Variants in ANTXR1 observed in about 807,000 individuals in gnomAD.
ANTXR1 encodes anthrax toxin receptor 1.
In ANTXR1, 19 loss-of-function variants were observed where a neutral mutation model predicts 78.1. That is an observed-to-expected ratio of 0.24 (90% CI 0.17 to 0.36). The LOEUF (loss-of-function observed/expected upper bound fraction) is 0.36. Ranked by LOEUF, ANTXR1 falls within the 10% of genes least tolerant of loss-of-function variation. The pLI is 1.00. For synonymous variants in ANTXR1, 273 were observed against 260.5 expected (o/e 1.05, Z -0.46); for missense variants, 518 against 718.6 (o/e 0.72, Z 3.19).
At chr2:69,141,659 A>G (rs530601358) in intron 12 of ANTXR1, among the ~76,000 whole-genome samples, 75 of 152,364 alleles carry the variant, frequency 4.9e-4, no homozygotes, top group Middle Eastern at 6.8e-3. Context: ...ATGTCTTAAT[A>G]TAATTTAAGA....
chr2:69,118,426 G>C (rs1672225491), intron 10 of ANTXR1, among the ~76,000 whole-genome samples: 1 of 152,082 alleles, frequency 6.6e-6, no homozygotes, highest in South Asian at 2.1e-4. Context: ...GGGAGACCCT[G>C]TCTCAAAAGA....
At chr2:69,100,955 A>C (rs1008832142) in intron 9 of ANTXR1, among the ~76,000 whole-genome samples, 4 of 152,182 alleles carry the variant, frequency 2.6e-5, no homozygotes, top group Non-Finnish European at 5.9e-5. Context: ...CATAGGACTT[A>C]TGCTCCTGAA....
At chr2:69,041,994 C>G (rs1476298977) in intron 2 of ANTXR1, among the ~76,000 whole-genome samples, 2 of 152,212 alleles carry the variant, frequency 1.3e-5, no homozygotes, top group Admixed American at 6.5e-5. Flanking sequence ...GTGCCCATAA[C>G]AGTGCCAGAC....
intron 17 of ANTXR1, among the ~76,000 whole-genome samples, chr2:69,229,607 G>T (rs1308742688): frequency 1.3e-5 from 2 of 152,114 alleles, no homozygotes; most frequent in Non-Finnish European, 2.9e-5. Context: ...TCATTTAACT[G>T]GGGACAGGAA....
At chr2:69,128,121 G>A (rs886800837) in intron 12 of ANTXR1, among the ~76,000 whole-genome samples, 7 of 152,058 alleles carry the variant, frequency 4.6e-5, no homozygotes, top group Admixed American at 3.9e-4. Context: ...CTACTTTGGA[G>A]GCTGAGGCAG....
intron 9 of ANTXR1, among the ~76,000 whole-genome samples, chr2:69,091,251 C>T (rs1237821300): frequency 6.6e-6 from 1 of 151,906 alleles, no homozygotes; most frequent in Non-Finnish European, 1.5e-5. Context: ...ACCAGCCTGG[C>T]CAACATGGTT....
chr2:69,044,245 G>A (rs866081967), intron 2 of ANTXR1, among the ~76,000 whole-genome samples: 3 of 152,300 alleles, frequency 2.0e-5, no homozygotes, highest in Middle Eastern at 3.4e-3. Flanking sequence ...AAGCCAAGGA[G>A]AAATTAAAAG....
At chr2:69,044,679 C>T in intron 2 of ANTXR1, 63 bp from the exon 3 acceptor site, 2 of 1,539,704 alleles carry the variant, frequency 1.3e-6, no homozygotes, top group Non-Finnish European at 1.8e-6. Context: ...AGGGAGGGAG[C>T]CTGAAGGGAG....
intron 10 of ANTXR1, among the ~76,000 whole-genome samples, chr2:69,112,528 A>G (rs1457488300): frequency 6.6e-6 from 1 of 152,206 alleles, no homozygotes; most frequent in East Asian, 1.9e-4. Context: ...ATAATCGCAG[A>G]TCAGAGAGAT....
intron 12 of ANTXR1, among the ~76,000 whole-genome samples, chr2:69,138,084 CA>C (rs368731118): frequency 0.09 from 6,087 of 67,566 alleles, 113 homozygotes; most frequent in East Asian, 0.12. Flanking sequence ...GACTCCATCT[CA>C]AAAAAAAAAG....
At chr2:69,218,786 C>T (rs1675241732) in intron 17 of ANTXR1, among the ~76,000 whole-genome samples, 1 of 152,134 alleles carries the variant, frequency 6.6e-6, no homozygotes, top group Non-Finnish European at 1.5e-5. Flanking sequence ...TAACTTACAG[C>T]ATTAATAAAA....
intron 12 of ANTXR1, among the ~76,000 whole-genome samples, chr2:69,127,764 A>C (rs11902581): frequency 0.26 from 39,627 of 151,886 alleles, 5,793 homozygotes; most frequent in African/African-American, 0.39. Flanking sequence ...GTTTAGAGAG[A>C]GAGAAGAATC....
intron 3 of ANTXR1, among the ~76,000 whole-genome samples, chr2:69,059,855 T>A (rs1195122329): frequency 6.6e-6 from 1 of 152,134 alleles, no homozygotes; most frequent in Non-Finnish European, 1.5e-5. Flanking sequence ...GGAGTTAAAT[T>A]GCTAAGTCTT....
intron 17 of ANTXR1, among the ~76,000 whole-genome samples, chr2:69,220,011 T>A (rs1393006288): frequency 6.6e-6 from 1 of 152,232 alleles, no homozygotes; most frequent in Non-Finnish European, 1.5e-5. Context: ...GCAGACAGTA[T>A]CTTTTTGCAT....
intron 17 of ANTXR1, among the ~76,000 whole-genome samples, chr2:69,233,610 CA>C (rs1558663684): frequency 6.6e-6 from 1 of 151,666 alleles, no homozygotes; most frequent in African/African-American, 2.4e-5. Flanking sequence ...TACTTTATAT[CA>C]AAAAGGTGTT....
chr2:69,040,636 C>T (rs1325397180), intron 2 of ANTXR1, among the ~76,000 whole-genome samples: 1 of 152,216 alleles, frequency 6.6e-6, no homozygotes, highest in Non-Finnish European at 1.5e-5. Flanking sequence ...TGAGCATTTT[C>T]AACACCACTT....
At chr2:69,097,260 G>A (rs1671460046) in intron 9 of ANTXR1, among the ~76,000 whole-genome samples, 1 of 152,152 alleles carries the variant, frequency 6.6e-6, no homozygotes, top group Non-Finnish European at 1.5e-5. Flanking sequence ...AATCAAGTGT[G>A]CAACTTGCCA....
rs1676003462 is a variant in ANTXR1 at position 69,245,556 on chromosome 2, G to A, written c.*71G>A. On this transcript the variant is annotated 3_prime_UTR_variant, in exon 18 of 18. Coordinates refer to ENST00000303714, the MANE Select transcript of ANTXR1 (RefSeq NM_032208.3). ...GTTAGAACAAGTCTTTCCAGTTAGAGAAGAGGAGTGGTGATAAAGCCCACT... is the reference window on the plus strand; with the variant it reads ...GTTAGAACAAGTCTTTCCAGTTAGAAAAGAGGAGTGGTGATAAAGCCCACT... The A allele has an allele frequency of 6.3e-7, 1 of 1,590,658 alleles. No homozygotes were observed. Among genetic ancestry groups the A allele is most frequent in the African/African-American group, 1.4e-5 (1 of 73,964 alleles).
At chr2:69,056,078 C>A (rs1052428440) in intron 3 of ANTXR1, among the ~76,000 whole-genome samples, 2 of 152,162 alleles carry the variant, frequency 1.3e-5, no homozygotes, top group African/African-American at 4.8e-5. Context: ...GTGGCAAATA[C>A]AAATTAAGAA....
Sources: gnomAD v4.1 joint callset for allele counts (sites outside exome capture counted in the v4.1 genomes callset) on GRCh38, gnomAD v4.1.1 for gene constraint, MANE v1.5 for transcripts, NCBI Gene and HGNC (gene_info 2026-07-23, HGNC 2026-07-21) for gene names.